Variants in MRPL37 observed in about 807,000 individuals in gnomAD.
MRPL37 encodes mitochondrial ribosomal protein L37, also known as large ribosomal subunit protein mL37.
Under a neutral mutation model 44.1 loss-of-function variants are expected in MRPL37, and 34 were observed. The ratio of observed to expected loss-of-function variants is 0.77; its 90% CI spans 0.59 to 1.03. The LOEUF is 1.03. Among genes scored for constraint, MRPL37 ranks in the 50% least tolerant of loss-of-function variants. The probability of loss-of-function intolerance (pLI) is 0.00; values close to 1 mark genes in which losing one functional copy is unlikely to be tolerated. For synonymous variants in MRPL37, 212 were observed against 219.5 expected (o/e 0.97, Z 0.30); for missense variants, 532 against 543.7 (o/e 0.98, Z 0.21).
chr1:54,219,581 G>T (rs1362417927), downstream of MRPL37, among the ~76,000 whole-genome samples: 1 of 152,170 alleles, frequency 6.6e-6, no homozygotes, highest in East Asian at 1.9e-4. Flanking sequence ...GGGGCTCCGG[G>T]TACTCTGAGC....
intron 1 of MRPL37, among the ~76,000 whole-genome samples, chr1:54,203,467 CTTTTTTTTTT>C: frequency 1.0e-5 from 1 of 98,882 alleles, no homozygotes; most frequent in Non-Finnish European, 2.0e-5. Context: ...ACTTCATTTA[CTTTTTTTTTT>C]TTTTTTTTTT....
At chr1:54,208,800 A>G (rs7544763) in intron 3 of MRPL37, among the ~76,000 whole-genome samples, 136,773 of 152,028 alleles carry the variant, frequency 0.9, 61,664 homozygotes, top group East Asian at 0.96. Flanking sequence ...CCCTCTGGAG[A>G]ACATTTGGCA....
At chr1:54,200,986 A>G (rs1557729807) in intron 1 of MRPL37, among the ~76,000 whole-genome samples, 3 of 152,094 alleles carry the variant, frequency 2.0e-5, no homozygotes, top group African/African-American at 7.2e-5. Context: ...GTAGTTGGAG[A>G]GAGTTTATAG....
rs921041345 is a variant in MRPL37 at position 54,218,312 on chromosome 1, C to G, written c.*63C>G. The G allele has an allele frequency of 9.3e-6, 15 of 1,611,510 alleles. No homozygotes were observed. The highest frequency in any genetic ancestry group is 1.3e-5 in the Non-Finnish European group (15 of 1,179,076). On this transcript the variant is annotated 3_prime_UTR_variant, in exon 7 of 7. Coordinates refer to ENST00000360840, the MANE Select transcript of MRPL37 (RefSeq NM_016491.4). The stretch of plus-strand genomic sequence containing the variant: ...TCTCTTCCACGGAAGAGGGCCTGGG[C>G]CCCGTGGAGCCTCAGTGCCCGTTTG...
chr1:54,202,395 A>G (rs552369833), intron 1 of MRPL37, among the ~76,000 whole-genome samples: 1 of 152,170 alleles, frequency 6.6e-6, no homozygotes, highest in African/African-American at 2.4e-5. Context: ...AGTGCCTTTC[A>G]TTTGTTACCA....
rs375873167 is a variant in MRPL37, at chr1:54,200,383, A to G, written c.140A>G (p.Asp47Gly). The change falls in exon 1 of 7, where the codon GAT becomes GGT. Residue 47 changes from aspartate to glycine, a missense_variant. By Grantham distance (94) the Asp-to-Gly change is moderately conservative (BLOSUM62 -1). Coordinates refer to ENST00000360840, the MANE Select transcript of MRPL37 (RefSeq NM_016491.4). Reference protein sequence around the residue: ...STRKSEPPPLDRVYEIPGLEP... With the variant: ...STRKSEPPPLGRVYEIPGLEP... Reference sequence around the variant, plus strand: ...CGGAAGTCGGAGCCTCCTCCCCTGGATAGGGTGTACGAGATCCCTGGACTG... The same window carrying G: ...CGGAAGTCGGAGCCTCCTCCCCTGGGTAGGGTGTACGAGATCCCTGGACTG... The G allele has an allele frequency of 2.5e-6, 4 of 1,614,038 alleles. No homozygotes were observed. Among genetic ancestry groups the G allele is most frequent in the East Asian group, 4.5e-5 (2 of 44,872 alleles).
At chr1:54,218,867 A>C (rs181153426), downstream of MRPL37, among the ~76,000 whole-genome samples, 191 of 152,374 alleles carry the variant, frequency 1.3e-3, 1 homozygote, top group African/African-American at 4.3e-3. Context: ...TTACAAGGTA[A>C]ATGTCATTTC....
At chr1:54,212,383 C>T (rs1049855318) in intron 4 of MRPL37, 118 bp from the exon 5 acceptor site, 3 of 1,266,032 alleles carry the variant, frequency 2.4e-6, no homozygotes, top group Non-Finnish European at 3.3e-6. Context: ...ATAGTATCCA[C>T]CTTTGTTGAG....
At chr1:54,211,839 G>C (rs752297657) in intron 4 of MRPL37, among the ~76,000 whole-genome samples, 12 of 152,148 alleles carry the variant, frequency 7.9e-5, no homozygotes, top group Non-Finnish European at 1.5e-4. Context: ...CAGTGATCCA[G>C]ATCACTTATT....
At chr1:54,206,117 T>A (rs1382799175) in intron 3 of MRPL37, among the ~76,000 whole-genome samples, 14 of 152,066 alleles carry the variant, frequency 9.2e-5, no homozygotes, top group Admixed American at 9.2e-4. Context: ...TTTATTTTAT[T>A]TATTTATTTT....
chr1:54,220,724 G>A (rs1199876282), downstream of MRPL37: 6 of 471,352 alleles, frequency 1.3e-5, no homozygotes, highest in Admixed American at 2.3e-5. Context: ...CCAGCCTCCC[G>A]CCCAGTACAG....
chr1:54,220,723 C>G (rs763670231), downstream of MRPL37: 1 of 471,226 alleles, frequency 2.1e-6, no homozygotes, highest in Admixed American at 2.3e-5. Context: ...GCCAGCCTCC[C>G]GCCCAGTACA....
intron 3 of MRPL37, 134 bp from the exon 4 acceptor site, chr1:54,209,812 A>T: frequency 1.1e-6 from 1 of 873,592 alleles, no homozygotes; most frequent in South Asian, 1.8e-5. Flanking sequence ...GCCCAGGCTG[A>T]CCTAGAACTC....
downstream of MRPL37, among the ~76,000 whole-genome samples, chr1:54,224,063 G>A (rs1027242576): frequency 6.6e-6 from 1 of 152,188 alleles, no homozygotes; most frequent in African/African-American, 2.4e-5. Flanking sequence ...CTCCAGCTAG[G>A]CACCCTGATC....
At chr1:54,208,430 T>C (rs1250983295) in intron 3 of MRPL37, among the ~76,000 whole-genome samples, 1 of 150,724 alleles carries the variant, frequency 6.6e-6, no homozygotes, top group Non-Finnish European at 1.5e-5. Flanking sequence ...GCACCCATAG[T>C]CCCAGCTACT....
intron 3 of MRPL37, among the ~76,000 whole-genome samples, chr1:54,206,448 C>T (rs1021031559): frequency 6.6e-6 from 1 of 151,912 alleles, no homozygotes; most frequent in Non-Finnish European, 1.5e-5. Context: ...CTTGCTGTGT[C>T]GCCCAGGCTG....
chr1:54,211,833 G>C (rs1454697732), intron 4 of MRPL37, among the ~76,000 whole-genome samples: 3 of 152,166 alleles, frequency 2.0e-5, no homozygotes, highest in Non-Finnish European at 4.4e-5. Flanking sequence ...TATATTCAGT[G>C]ATCCAGATCA....
At chr1:54,200,885 C>G (rs1042891993) in intron 1 of MRPL37, among the ~76,000 whole-genome samples, 5 of 152,244 alleles carry the variant, frequency 3.3e-5, no homozygotes, top group African/African-American at 4.8e-5. Context: ...TCCTGGGCCT[C>G]TATTTCCTGG....
chr1:54,209,788 G>T (rs906498653), intron 3 of MRPL37, among the ~76,000 whole-genome samples, 158 bp from the exon 4 acceptor site: 4 of 151,968 alleles, frequency 2.6e-5, no homozygotes, highest in African/African-American at 9.7e-5. Context: ...GTAGAGATGG[G>T]GCTTTGTCAT....
Sources: gnomAD v4.1 joint callset for allele counts (sites outside exome capture counted in the v4.1 genomes callset) on GRCh38, gnomAD v4.1.1 for gene constraint, MANE v1.5 for transcripts, NCBI Gene and HGNC (gene_info 2026-07-23, HGNC 2026-07-21) for gene names.